The following LMX1A variants were observed in gnomAD, a reference collection of about 807,000 sequenced individuals.
The protein encoded by LMX1A is LIM homeobox transcription factor 1 alpha.
LMX1A carries 15 observed loss-of-function variants against 49.1 expected under a neutral mutation model. The ratio of observed to expected loss-of-function variants is 0.31; its 90% CI spans 0.20 to 0.47. LMX1A has a LOEUF of 0.47. LMX1A is among the 20% of genes least tolerant of loss of function. The probability of loss-of-function intolerance (pLI) is 1.00; values close to 1 mark genes in which losing one functional copy is unlikely to be tolerated. For missense variants in LMX1A, 372 were observed against 475.8 expected (o/e 0.78, Z 2.03); for synonymous variants, 167 against 185.7 (o/e 0.90, Z 0.82).
chr1:165,258,475 G>GAGAC (rs950143678), intron 3 of LMX1A, among the ~76,000 whole-genome samples: 3 of 152,132 alleles, frequency 2.0e-5, no homozygotes, highest in African/African-American at 7.2e-5. Flanking sequence ...TCTTCTATAG[G>GAGAC]AGACAGTCTC....
At chr1:165,329,273 T>C (rs1655672046) in intron 3 of LMX1A, among the ~76,000 whole-genome samples, 1 of 152,134 alleles carries the variant, frequency 6.6e-6, no homozygotes, top group Admixed American at 6.5e-5. Context: ...CATGATCCGG[T>C]CACCTCCCAC....
intron 6 of LMX1A, among the ~76,000 whole-genome samples, chr1:165,209,171 A>G (rs1301022992): frequency 6.6e-6 from 1 of 152,204 alleles, no homozygotes; most frequent in African/African-American, 2.4e-5. Flanking sequence ...TTATTGCACT[A>G]TGGAGTCTTT....
chr1:165,203,840 T>C lies in LMX1A; in HGVS notation c.*40A>G, dbSNP rs1487158679. On this transcript the variant is annotated 3_prime_UTR_variant, in exon 9 of 9. Transcript: ENST00000342310. ...AGTGACCCCTCAAAGAATATGGTTG[T>C]TCCATATGGGAGCCTAGTCACAGAA... 1.3e-6 allele frequency: 2 copies of C among 1,599,476 alleles called. No individual in the cohort carries two copies. The highest frequency in any genetic ancestry group is 1.7e-5 in the Admixed American group (1 of 59,840).
intron 4 of LMX1A, among the ~76,000 whole-genome samples, chr1:165,239,189 C>T (rs1652559596): frequency 6.6e-6 from 1 of 152,196 alleles, no homozygotes; most frequent in African/African-American, 2.4e-5. Flanking sequence ...TGTGAAGCAA[C>T]TGCACAAATA....
At chr1:165,204,129 G>T in intron 8 of LMX1A, 89 bp from the exon 9 acceptor site, 1 of 1,398,494 alleles carries the variant, frequency 7.2e-7, no homozygotes. Context: ...AACAAGTGTT[G>T]CCTGAGCACA....
At chr1:165,329,255 A>G (rs1175720571) in intron 3 of LMX1A, among the ~76,000 whole-genome samples, 1 of 152,142 alleles carries the variant, frequency 6.6e-6, no homozygotes, top group East Asian at 1.9e-4. Context: ...GCATGGGGAA[A>G]CCACTCCCAT....
At chr1:165,291,490 A>C (rs898086360) in intron 3 of LMX1A, among the ~76,000 whole-genome samples, 35 of 152,212 alleles carry the variant, frequency 2.3e-4, no homozygotes, top group African/African-American at 7.7e-4. Flanking sequence ...AAAGTGAGGC[A>C]AATAAACTGG....
chr1:165,325,632 T>G (rs1019492358), intron 3 of LMX1A, among the ~76,000 whole-genome samples: 1 of 152,112 alleles, frequency 6.6e-6, no homozygotes, highest in African/African-American at 2.4e-5. Flanking sequence ...TTGATTTCAA[T>G]AAAGTCTCTC....
At chr1:165,311,223 T>C (rs2101733885) in intron 3 of LMX1A, among the ~76,000 whole-genome samples, 1 of 152,324 alleles carries the variant, frequency 6.6e-6, no homozygotes, top group South Asian at 2.1e-4. Flanking sequence ...ATTTTCAAAA[T>C]AATGGGCCCA....
intron 3 of LMX1A, among the ~76,000 whole-genome samples, chr1:165,291,486 A>G (rs1458015989): frequency 6.6e-6 from 1 of 152,214 alleles, no homozygotes; most frequent in Non-Finnish European, 1.5e-5. Flanking sequence ...CCAGAAAGTG[A>G]GGCAAATAAA....
At chr1:165,254,418 T>C (rs542573513) in intron 3 of LMX1A, among the ~76,000 whole-genome samples, 6 of 152,036 alleles carry the variant, frequency 3.9e-5, no homozygotes, top group Non-Finnish European at 7.4e-5. Flanking sequence ...GTCCTGTTTT[T>C]TTCTTCTCTC....
At chr1:165,264,849 G>A (rs1653564616) in intron 3 of LMX1A, among the ~76,000 whole-genome samples, 2 of 152,040 alleles carry the variant, frequency 1.3e-5, no homozygotes, top group African/African-American at 2.4e-5. Context: ...CGAGGCTGCA[G>A]TGAGCCATGT....
chr1:165,355,959 G>A lies in LMX1A; in HGVS notation c.-22-378C>T. On this transcript the variant is annotated intron_variant, in intron 1 of 8. Transcript: ENST00000342310. This position sits in a 1 kb window ranked among gnomAD's most constrained non-coding sequence, Gnocchi z 4.7. ...TCTCTGCAGGAACGCAGCTACTGGG[G>A]TATATTGGGTATATAAAGAGTGGGT... 4.7e-6 allele frequency: 1 copy of A among 214,344 alleles called. No individual in the cohort carries two copies. The highest frequency in any genetic ancestry group is 9.4e-6 in the Non-Finnish European group (1 of 106,500). 13.3% of individuals were successfully genotyped at this position (214,344 alleles called of 1,614,324 possible). A position where few individuals can be genotyped will look rare whatever the true frequency, so the allele number is the denominator to read the frequency against.
intron 3 of LMX1A, among the ~76,000 whole-genome samples, chr1:165,276,269 G>A (rs1653964836): frequency 6.6e-6 from 1 of 152,178 alleles, no homozygotes. Flanking sequence ...GGTCTTGAAT[G>A]CTGAGACAAG....
intron 3 of LMX1A, among the ~76,000 whole-genome samples, chr1:165,341,571 T>C (rs59472637): frequency 0.028 from 3,968 of 139,344 alleles, 175 homozygotes; most frequent in African/African-American, 0.1. Flanking sequence ...TCTAGTGACA[T>C]AGACAGACAA....
At chr1:165,233,061 A>G (rs1298058999) in intron 4 of LMX1A, among the ~76,000 whole-genome samples, 1 of 152,156 alleles carries the variant, frequency 6.6e-6, no homozygotes, top group Non-Finnish European at 1.5e-5. Context: ...CCCCCACCAT[A>G]AACACTTTAT....
intron 3 of LMX1A, among the ~76,000 whole-genome samples, chr1:165,314,674 C>T (rs1359766704): frequency 6.6e-6 from 1 of 151,894 alleles, no homozygotes; most frequent in Non-Finnish European, 1.5e-5. Flanking sequence ...TCTCTCAGGG[C>T]TTGAACGAAG....
At chr1:165,274,301 T>C (rs957692987) in intron 3 of LMX1A, among the ~76,000 whole-genome samples, 2 of 152,192 alleles carry the variant, frequency 1.3e-5, no homozygotes, top group African/African-American at 4.8e-5. Flanking sequence ...TCTACCCTGG[T>C]TTATGTTATA....
chr1:165,226,916 TCTGTGAACAAGGCAGAGTCC>T (rs1313696093), intron 4 of LMX1A, among the ~76,000 whole-genome samples: 2 of 152,192 alleles, frequency 1.3e-5, no homozygotes, highest in Non-Finnish European at 2.9e-5. Flanking sequence ...CTAATATACA[TCTGTGAACAAGGCAGAGTCC>T]CTGCCTTCAT....
Sources: allele counts gnomAD v4.1 joint callset (sites outside exome capture counted in the v4.1 genomes callset), GRCh38; gene constraint gnomAD v4.1.1; non-coding constraint Gnocchi (gnomAD v3.1); transcripts MANE v1.5; gene names NCBI Gene and HGNC (gene_info 2026-07-23, HGNC 2026-07-21).